Variants in STARD13 observed in about 807,000 individuals in gnomAD.
The protein encoded by STARD13 is StAR related lipid transfer domain containing 13, also known as stAR-related lipid transfer protein 13.
A neutral mutation model predicts 106.4 loss-of-function variants in STARD13; 62 were observed. The observed-to-expected ratio is 0.58, with a 90% CI of 0.48 to 0.72. STARD13 has a LOEUF of 0.72. Ranked by LOEUF, STARD13 falls within the 30% of genes least tolerant of loss-of-function variation. The pLI is 0.00. For synonymous variants in STARD13, 565 were observed against 553.0 expected, an observed-to-expected ratio of 1.02 and a Z score of -0.31; for missense variants, 1,387 against 1,424.0, an observed-to-expected ratio of 0.97 and a Z score of 0.42.
upstream of STARD13, among the ~76,000 whole-genome samples, chr13:33,290,285 A>T (rs756511635): frequency 9.9e-5 from 15 of 152,284 alleles, no homozygotes; most frequent in Non-Finnish European, 1.9e-4. Flanking sequence ...GCAGGCAGAA[A>T]AATGCAGAGC....
downstream of STARD13, among the ~76,000 whole-genome samples, chr13:33,347,578 G>A (rs943611470): frequency 6.6e-6 from 1 of 152,110 alleles, no homozygotes; most frequent in Non-Finnish European, 1.5e-5. Flanking sequence ...TGTGTTTAGA[G>A]ACACAAATAC....
chr13:33,294,166 T>C (rs577811734), intron 1 of STARD13, among the ~76,000 whole-genome samples: 1 of 152,332 alleles, frequency 6.6e-6, no homozygotes, highest in East Asian at 1.9e-4. Flanking sequence ...ACCTTATCTT[T>C]GTATCAGTTA....
intron 7 of STARD13, among the ~76,000 whole-genome samples, chr13:33,122,482 A>G (rs1326335883): frequency 2.0e-5 from 3 of 152,144 alleles, no homozygotes; most frequent in Non-Finnish European, 4.4e-5. Context: ...TGAAATTCTC[A>G]ATGATTTATG....
At chr13:33,324,782 A>G (rs1314105490) in intron 1 of STARD13, among the ~76,000 whole-genome samples, 2 of 152,218 alleles carry the variant, frequency 1.3e-5, no homozygotes, top group Non-Finnish European at 2.9e-5. Context: ...CATCATCTAT[A>G]AAAAGACTGC....
At chr13:33,323,154 A>C (rs1349986509) in intron 1 of STARD13, among the ~76,000 whole-genome samples, 2 of 152,168 alleles carry the variant, frequency 1.3e-5, no homozygotes, top group African/African-American at 4.8e-5. Flanking sequence ...CACTGTGTTA[A>C]CAGTGCCTGC....
the STARD13 span, among the ~76,000 whole-genome samples, chr13:33,370,885 T>G: frequency 6.6e-6 from 1 of 152,122 alleles, no homozygotes; most frequent in Non-Finnish European, 1.5e-5. Context: ...CCTCCCAAAG[T>G]GCTGAGATTA....
intron 5 of STARD13, among the ~76,000 whole-genome samples, chr13:33,127,968 CAG>C (rs1877489335): frequency 6.7e-6 from 1 of 149,430 alleles, no homozygotes. Flanking sequence ...TAGACAGAAG[CAG>C]AGAGAGCAGA....
At chr13:33,449,796 A>G in the STARD13 span, among the ~76,000 whole-genome samples, 2 of 152,108 alleles carry the variant, frequency 1.3e-5, no homozygotes, top group African/African-American at 4.8e-5. Flanking sequence ...AATTGTAGTT[A>G]TCTTTTGCTT....
the STARD13 span, among the ~76,000 whole-genome samples, chr13:33,400,565 A>G: frequency 6.6e-6 from 1 of 151,514 alleles, no homozygotes; most frequent in Non-Finnish European, 1.5e-5. Context: ...GGTTCACGCC[A>G]TTCTCCCACC....
chr13:33,299,890 C>T (rs1892645535), intron 1 of STARD13, among the ~76,000 whole-genome samples: 1 of 152,118 alleles, frequency 6.6e-6, no homozygotes, highest in Non-Finnish European at 1.5e-5. Flanking sequence ...AGTTATTAAC[C>T]TGTGATGGAT....
At chr13:33,563,163 C>T in the STARD13 span, among the ~76,000 whole-genome samples, 1 of 146,298 alleles carries the variant, frequency 6.8e-6, no homozygotes, top group South Asian at 2.2e-4. Context: ...TGACAAGCAG[C>T]TCACAGATCC....
At chr13:33,595,564 T>C in the STARD13 span, among the ~76,000 whole-genome samples, 2 of 152,168 alleles carry the variant, frequency 1.3e-5, no homozygotes, top group Non-Finnish European at 2.9e-5. Flanking sequence ...TATACCTAAG[T>C]CTTTCTAAAA....
chr13:33,160,697 T>G (rs978545773), intron 3 of STARD13, among the ~76,000 whole-genome samples: 1 of 152,130 alleles, frequency 6.6e-6, no homozygotes, highest in Non-Finnish European at 1.5e-5. Context: ...TATTAGTCAT[T>G]AAGAAAGTGC....
chr13:33,540,609 T>C, the STARD13 span, among the ~76,000 whole-genome samples: 1 of 152,224 alleles, frequency 6.6e-6, no homozygotes, highest in Admixed American at 6.5e-5. Context: ...ACTGAAACTA[T>C]GGAAAGCAAT....
the STARD13 span, among the ~76,000 whole-genome samples, chr13:33,577,751 C>A: frequency 4.6e-5 from 7 of 152,088 alleles, no homozygotes; most frequent in East Asian, 1.4e-3. Flanking sequence ...AATGCAAAAC[C>A]ATAAAACTCC....
chr13:33,341,154 A>C (rs2077954896), intron 1 of STARD13, among the ~76,000 whole-genome samples: 1 of 152,256 alleles, frequency 6.6e-6, no homozygotes, highest in South Asian at 2.1e-4. Context: ...GAATAGAAAT[A>C]TACTGTTGGA....
At chr13:33,113,563 C>A (rs1270672574) in intron 8 of STARD13, 1 of 516,766 alleles carries the variant, frequency 1.9e-6, no homozygotes, top group Non-Finnish European at 3.9e-6. Flanking sequence ...ACAAATCTCC[C>A]AGGACTTGCT....
chr13:33,672,065 C>A, the STARD13 span, among the ~76,000 whole-genome samples: 1 of 152,154 alleles, frequency 6.6e-6, no homozygotes, highest in East Asian at 1.9e-4. Context: ...GACACATGCA[C>A]ATGTATGTTT....
chr13:33,674,779 A>G, the STARD13 span, among the ~76,000 whole-genome samples: 4 of 152,216 alleles, frequency 2.6e-5, no homozygotes, highest in African/African-American at 7.2e-5. Context: ...ACACAGTAAC[A>G]TATTTTTGTT....
Sources: allele counts gnomAD v4.1 joint callset (sites outside exome capture counted in the v4.1 genomes callset), GRCh38; gene constraint gnomAD v4.1.1; transcripts MANE v1.5; gene names NCBI Gene and HGNC (gene_info 2026-07-23, HGNC 2026-07-21).